Variants in SMPDL3A observed in about 807,000 individuals in gnomAD.
SMPDL3A encodes the protein sphingomyelin phosphodiesterase acid like 3A, also known as cyclic GMP-AMP phosphodiesterase SMPDL3A.
Under a neutral mutation model 38.5 loss-of-function variants are expected in SMPDL3A, and 39 were observed. The observed-to-expected ratio is 1.01, with a 90% CI of 0.78 to 1.32. The LOEUF is 1.32. Ranked by LOEUF, SMPDL3A falls within the 40% of genes most tolerant of loss-of-function variation. The pLI, the probability that SMPDL3A is intolerant of heterozygous loss-of-function variation, is 0.00. For missense variants in SMPDL3A, 502 were observed against 536.2 expected, an observed-to-expected ratio of 0.94 and a Z score of 0.63; for synonymous variants, 180 against 194.3, an observed-to-expected ratio of 0.93 and a Z score of 0.61.
At chr6:122,797,848 T>G (rs1468588763) in intron 3 of SMPDL3A, among the ~76,000 whole-genome samples, 1 of 152,180 alleles carries the variant, frequency 6.6e-6, no homozygotes, top group Non-Finnish European at 1.5e-5. Flanking sequence ...CTACCCTTCA[T>G]TTTGTAGGTG....
Position 122,803,799 on chromosome 6 carries a change from G to C in SMPDL3A, c.704G>C (p.Ser235Thr). 6.2e-7 allele frequency: 1 copy of C among 1,613,986 alleles called. No individual in the cohort carries two copies. The highest frequency in any genetic ancestry group is 2.2e-5 in the East Asian group (1 of 44,858). ...GCCAACCAGTTTGAATGGCTAGAAA[G>C]TACATTGAACAACTCTCAGCAGAAT... ...DPANQFEWLE[S>T]TLNNSQQNKE... is the part of the protein sequence containing the mutation. Residue 235 changes from serine (S) to threonine (T), a missense_variant, in exon 5 of 8, where the codon AGT (serine) becomes ACT (threonine). Transcript: ENST00000368440.
chr6:122,805,544 C>T (rs1781583000), intron 6 of SMPDL3A, among the ~76,000 whole-genome samples: 1 of 152,174 alleles, frequency 6.6e-6, no homozygotes, highest in African/African-American at 2.4e-5. Flanking sequence ...CTTATTGATA[C>T]ATATATAAGC....
chr6:122,807,556 T>G (rs544521993), intron 7 of SMPDL3A, among the ~76,000 whole-genome samples: 1 of 152,210 alleles, frequency 6.6e-6, no homozygotes, highest in Non-Finnish European at 1.5e-5. Flanking sequence ...CAAAAGTTCT[T>G]TGGAGCAGCT....
At chr6:122,807,404 C>T (rs1781665080) in intron 7 of SMPDL3A, among the ~76,000 whole-genome samples, 1 of 152,128 alleles carries the variant, frequency 6.6e-6, no homozygotes, top group Admixed American at 6.5e-5. Context: ...GAGGCTGAGG[C>T]AGGAGAATGG....
At chr6:122,799,247 C>T (rs147454323) in intron 3 of SMPDL3A, among the ~76,000 whole-genome samples, 2,116 of 152,250 alleles carry the variant, frequency 0.014, 25 homozygotes, top group Non-Finnish European at 0.024. Context: ...CTGGTGCCAC[C>T]GAATTTGTGG....
chr6:122,809,136 G>A lies in SMPDL3A; in HGVS notation c.1090G>A (p.Gly364Arg), dbSNP rs1198877253. Residue 364 changes from glycine (G) to arginine (R), a missense_variant, in exon 8 of 8, where the codon GGA (glycine) becomes AGA (arginine). By Grantham distance (125) the Gly-to-Arg change is moderately radical (BLOSUM62 -2). Transcript: ENST00000368440. ...YLNLTEANLK[G>R]ESIWKLEYIL... Reference sequence around the variant, plus strand: ...GAATCTGACAGAGGCGAATCTAAAGGGAGAGTCCATCTGGAAGCTGGAGTA... The same window carrying A: ...GAATCTGACAGAGGCGAATCTAAAGAGAGAGTCCATCTGGAAGCTGGAGTA... 27 of 1,614,130 alleles carry A rather than the reference G, an allele frequency of 1.7e-5. No homozygotes were observed. Among genetic ancestry groups the A allele is most frequent in the Non-Finnish European group, 2.0e-5 (24 of 1,179,990 alleles).
chr6:122,803,750 A>G lies in SMPDL3A; in HGVS notation c.655A>G (p.Met219Val), dbSNP rs1323289144. 1.9e-6 allele frequency: 3 copies of G among 1,613,876 alleles called. No homozygotes were observed. The African/African-American group carries it at 4.0e-5, about 22-fold the overall frequency. ...AAACTTGTACTACGGCCCAAATATA[A>G]TGACACTGAACAAGACTGACCCAGC... ...NTNLYYGPNI[M>V]TLNKTDPANQ... The change falls in exon 5 of 8, where the codon ATG (methionine) becomes GTG (valine). Residue 219 changes from methionine to valine, a missense_variant. Transcript: ENST00000368440.
chr6:122,791,876 G>A (rs1165007230), intron 1 of SMPDL3A, among the ~76,000 whole-genome samples: 1 of 152,084 alleles, frequency 6.6e-6, no homozygotes, highest in African/African-American at 2.4e-5. Flanking sequence ...TGTACTTTTA[G>A]TAGAGACGGG....
At chr6:122,808,633 TCCTTCCTTCCCCCCCTCCTC>T (rs1781735375) in intron 7 of SMPDL3A, among the ~76,000 whole-genome samples, 3 of 78,330 alleles carry the variant, frequency 3.8e-5, no homozygotes, top group African/African-American at 5.5e-5. Context: ...CTTCCTTCCT[TCCTTCCTTCCCCCCCTCCTC>T]CCCCCTCCCT....
chr6:122,795,512 C>T (rs1017634458), intron 1 of SMPDL3A, among the ~76,000 whole-genome samples, 165 bp from the exon 2 acceptor site: 9 of 152,276 alleles, frequency 5.9e-5, no homozygotes, highest in African/African-American at 2.2e-4. Flanking sequence ...CATCTTCTCA[C>T]AGAGAAGGAC....
At chr6:122,799,450 A>T (rs950075063) in intron 3 of SMPDL3A, among the ~76,000 whole-genome samples, 1 of 152,208 alleles carries the variant, frequency 6.6e-6, no homozygotes, top group Non-Finnish European at 1.5e-5. Context: ...TCATGTTTAA[A>T]ATAGAGAAGA....
intron 6 of SMPDL3A, 48 bp downstream of exon 6, chr6:122,805,137 A>G: frequency 7.0e-7 from 1 of 1,431,256 alleles, no homozygotes. Context: ...AGTCTAGAGC[A>G]AAGCGGTGAA....
chr6:122,789,582 C>G (rs1433904819), intron 1 of SMPDL3A, 124 bp downstream of exon 1: 3 of 929,276 alleles, frequency 3.2e-6, no homozygotes, highest in Non-Finnish European at 4.9e-6. Context: ...TAGCGGGGCC[C>G]CTGACGCGTC....
intron 1 of SMPDL3A, among the ~76,000 whole-genome samples, chr6:122,793,550 A>G (rs530431584): frequency 3.4e-4 from 52 of 152,364 alleles, no homozygotes; most frequent in African/African-American, 1.2e-3. Context: ...TGGGTAAAGT[A>G]TATCTAAGAT....
intron 7 of SMPDL3A, among the ~76,000 whole-genome samples, chr6:122,808,603 C>CT (rs1361736231): frequency 0.012 from 1,184 of 96,056 alleles, 10 homozygotes; most frequent in East Asian, 0.045. Context: ...TCCTCCCTCC[C>CT]TCCCTCCCTT....
intron 2 of SMPDL3A, among the ~76,000 whole-genome samples, chr6:122,796,570 T>C (rs1781254142): frequency 6.6e-6 from 1 of 152,208 alleles, no homozygotes; most frequent in African/African-American, 2.4e-5. Context: ...TTTTAGCCTC[T>C]TATAAATCTT....
intron 7 of SMPDL3A, 124 bp from the exon 8 acceptor site, chr6:122,808,963 GGATT>G (rs1781758952): frequency 1.5e-5 from 11 of 730,214 alleles, no homozygotes; most frequent in Non-Finnish European, 2.5e-5. Flanking sequence ...CAAAGTGCTA[GGATT>G]ACAGGCGTGA....
chr6:122,808,646 C>G, intron 7 of SMPDL3A, among the ~76,000 whole-genome samples: 1 of 55,414 alleles, frequency 1.8e-5, no homozygotes, highest in Non-Finnish European at 3.7e-5. Flanking sequence ...TTCCTTCCCC[C>G]CCTCCTCCCC....
intron 6 of SMPDL3A, 65 bp downstream of exon 6, chr6:122,805,154 G>C: frequency 7.5e-7 from 1 of 1,329,128 alleles, no homozygotes; most frequent in South Asian, 1.6e-5. Flanking sequence ...TGAATATCCA[G>C]TAAATTTGCT....
Sources: gnomAD v4.1 joint callset for allele counts (sites outside exome capture counted in the v4.1 genomes callset) on GRCh38, gnomAD v4.1.1 for gene constraint, MANE v1.5 for transcripts, NCBI Gene and HGNC (gene_info 2026-07-23, HGNC 2026-07-21) for gene names.